NRXN3: variants seen among roughly 807,000 people sequenced by gnomAD.
NRXN3 encodes the protein neurexin III.
In NRXN3, 32 loss-of-function variants were observed where a neutral mutation model predicts 137.6. The ratio of observed to expected loss-of-function variants is 0.23; its 90% CI spans 0.18 to 0.31. The LOEUF is 0.31. Among genes scored for constraint, NRXN3 ranks in the 10% least tolerant of loss-of-function variants. The pLI is 1.00. For missense variants in NRXN3, 1,574 were observed against 2,062.5 expected (o/e 0.76, Z 4.59); for synonymous variants, 798 against 784.5 (o/e 1.02, Z -0.29).
intron 15 of NRXN3, among the ~76,000 whole-genome samples, chr14:79,148,611 A>G (rs559868547): frequency 1.3e-5 from 2 of 152,142 alleles, no homozygotes; most frequent in Non-Finnish European, 2.9e-5. Flanking sequence ...CTTTGTGGAC[A>G]TACTCAGCCT....
At chr14:78,203,537 C>A (rs1358623834) in intron 1 of NRXN3, among the ~76,000 whole-genome samples, 1 of 152,034 alleles carries the variant, frequency 6.6e-6, no homozygotes, top group East Asian at 1.9e-4. Flanking sequence ...AGGGGTATGG[C>A]CACATGCAGA....
intron 10 of NRXN3, among the ~76,000 whole-genome samples, chr14:78,850,432 AAT>A (rs2099039516): frequency 6.6e-6 from 1 of 152,166 alleles, no homozygotes; most frequent in Non-Finnish European, 1.5e-5. Context: ...AGTACATTTG[AAT>A]ACGGATTAAC....
intron 10 of NRXN3, among the ~76,000 whole-genome samples, chr14:78,878,690 A>AT (rs1048194455): frequency 2.0e-5 from 3 of 152,284 alleles, no homozygotes; most frequent in South Asian, 2.1e-4. Context: ...TCAAATACTG[A>AT]TTTTTTTGTT....
intron 19 of NRXN3, among the ~76,000 whole-genome samples, chr14:79,755,189 C>T (rs897008871): frequency 2.0e-5 from 3 of 152,024 alleles, no homozygotes; most frequent in African/African-American, 7.2e-5. Context: ...CTATACATAT[C>T]CTCTCACGTA....
At chr14:79,070,887 T>G (rs1348314069) in intron 15 of NRXN3, among the ~76,000 whole-genome samples, 1 of 152,134 alleles carries the variant, frequency 6.6e-6, no homozygotes, top group African/African-American at 2.4e-5. Flanking sequence ...TAAATAGACA[T>G]GTTGGGGGTG....
chr14:78,400,625 C>A (rs184700475), intron 4 of NRXN3, among the ~76,000 whole-genome samples: 123 of 152,294 alleles, frequency 8.1e-4, no homozygotes, highest in Admixed American at 3.7e-3. Context: ...CTGGACTGTG[C>A]ATGATGCTGT....
intron 15 of NRXN3, among the ~76,000 whole-genome samples, chr14:79,035,493 A>G (rs2099614586): frequency 6.6e-6 from 1 of 152,082 alleles, no homozygotes; most frequent in Non-Finnish European, 1.5e-5. Context: ...CTACATGCAC[A>G]TATTCATAGA....
chr14:78,173,506 T>C (rs2058945959), intron 1 of NRXN3, among the ~76,000 whole-genome samples: 1 of 151,136 alleles, frequency 6.6e-6, no homozygotes, highest in Middle Eastern at 3.2e-3. Context: ...TGTGCTTGTG[T>C]CTCTGTGTGT....
At chr14:78,990,476 A>G (rs1289145508) in intron 15 of NRXN3, among the ~76,000 whole-genome samples, 1 of 147,094 alleles carries the variant, frequency 6.8e-6, no homozygotes, top group Non-Finnish European at 1.5e-5. Context: ...GGTTCAAGCG[A>G]TTCTCCTGCC....
chr14:78,234,121 C>T (rs2065851365), intron 1 of NRXN3, among the ~76,000 whole-genome samples: 1 of 152,198 alleles, frequency 6.6e-6, no homozygotes, highest in Admixed American at 6.5e-5. Context: ...TAAGATGTCC[C>T]TTTGCTCTTC....
At chr14:78,785,060 T>G in intron 8 of NRXN3, among the ~76,000 whole-genome samples, 1 of 152,132 alleles carries the variant, frequency 6.6e-6, no homozygotes, top group East Asian at 1.9e-4. Flanking sequence ...ATTAGATTGG[T>G]TTTAGAAATA....
At chr14:79,557,344 G>A (rs142140724) in intron 16 of NRXN3, among the ~76,000 whole-genome samples, 1,724 of 150,440 alleles carry the variant, frequency 0.011, 22 homozygotes, top group Middle Eastern at 0.04. Flanking sequence ...GTAGTTCTCA[G>A]ACTCATTGGT....
chr14:78,765,365 C>G (rs1167596090), intron 8 of NRXN3, among the ~76,000 whole-genome samples: 1 of 152,142 alleles, frequency 6.6e-6, no homozygotes, highest in African/African-American at 2.4e-5. Flanking sequence ...GTTGGTCAGG[C>G]TGGTCTCGAA....
rs76781051 is a variant in NRXN3, at chr14:79,254,490, G to T, written c.3263-212731G>T. On this transcript the variant is annotated intron_variant, in intron 15 of 20. Transcript: ENST00000335750. ...TTCACCTCTTCACTCTGCTCCATAG[G>T]CTCAAGCAGAAAAAATGGGAGACAT... Among the ~76,000 whole-genome samples the T allele has an allele frequency of 7.7e-3, 1,172 of 151,582 alleles. 26 individuals are homozygous for T. The South Asian group carries it at 0.081, about 10-fold the overall frequency.
At chr14:78,756,915 C>A (rs1166321403) in intron 8 of NRXN3, among the ~76,000 whole-genome samples, 1 of 152,150 alleles carries the variant, frequency 6.6e-6, no homozygotes, top group Non-Finnish European at 1.5e-5. Flanking sequence ...GAAGGGAAAG[C>A]GAATGCTGTT....
At chr14:79,445,366 G>GA (rs1031432483) in intron 15 of NRXN3, among the ~76,000 whole-genome samples, 26 of 151,570 alleles carry the variant, frequency 1.7e-4, no homozygotes, top group Admixed American at 6.6e-4. Context: ...AAGAAAAAAA[G>GA]AAAAAAAATG....
intron 17 of NRXN3, among the ~76,000 whole-genome samples, chr14:79,678,778 A>G (rs1324756186): frequency 1.3e-5 from 2 of 152,186 alleles, no homozygotes; most frequent in South Asian, 2.1e-4. Context: ...TAGATACTGC[A>G]TGAACTTGAG....
chr14:78,765,336 A>T (rs2098705504), intron 8 of NRXN3, among the ~76,000 whole-genome samples: 1 of 152,112 alleles, frequency 6.6e-6, no homozygotes, highest in Non-Finnish European at 1.5e-5. Flanking sequence ...TATTTTTAGT[A>T]GACATGGGGT....
intron 6 of NRXN3, among the ~76,000 whole-genome samples, chr14:78,664,194 T>C (rs916484533): frequency 2.0e-5 from 3 of 152,208 alleles, no homozygotes; most frequent in Non-Finnish European, 2.9e-5. Flanking sequence ...TCAGCAGATG[T>C]TCTATCTCAT....
Sources: allele counts gnomAD v4.1 joint callset (sites outside exome capture counted in the v4.1 genomes callset), GRCh38; gene constraint gnomAD v4.1.1; transcripts MANE v1.5; gene names NCBI Gene and HGNC (gene_info 2026-07-23, HGNC 2026-07-21).